Variants in CRX observed in about 807,000 individuals in gnomAD.
The protein encoded by CRX is cone-rod homeobox.
Under a neutral mutation model 13.1 loss-of-function variants are expected in CRX, and 5 were observed. The observed-to-expected ratio is 0.38, with a 90% CI of 0.20 to 0.80. The LOEUF (loss-of-function observed/expected upper bound fraction) is 0.80. Ranked by LOEUF, CRX falls within the 30% of genes least tolerant of loss-of-function variation. The pLI is 0.43. For synonymous variants in CRX, 179 were observed against 171.1 expected, an observed-to-expected ratio of 1.05 and a Z score of -0.36; for missense variants, 351 against 391.8, an observed-to-expected ratio of 0.90 and a Z score of 0.88.
rs555613161 is a variant in CRX, at chr19:47,843,149, G to A, written c.*3182G>A. ...CAGCTGTGCACAGGGGATTTCAAAC[G>A]TTCTACGTCCTAAAGCCAGGAAGAG... On this transcript the variant is annotated 3_prime_UTR_variant, in exon 4 of 4. Coordinates refer to ENST00000221996, the MANE Select transcript of CRX (RefSeq NM_000554.6). 1.3e-5 allele frequency: 2 copies of A among 152,190 alleles called. No homozygotes were observed. Among genetic ancestry groups the A allele is most frequent in the African/African-American group, 2.4e-5 (1 of 41,400 alleles). The allele number at this position is 152,190 out of a possible 1,614,324, so 9.4% of individuals were successfully genotyped here. A position where few individuals can be genotyped will look rare whatever the true frequency, so the allele number is the denominator to read the frequency against.
chr19:47,835,228 T>C (rs921949692), intron 2 of CRX, among the ~76,000 whole-genome samples: 7 of 49,130 alleles, frequency 1.4e-4, no homozygotes, highest in South Asian at 6.5e-4. Context: ...ATTATTATTA[T>C]TTTTTTTTTT....
In CRX at chr19:47,836,245, G is replaced by A. The variant is rs778203784; in HGVS notation, c.103G>A (p.Ala35Thr). Residue 35 changes from alanine to threonine, a missense_variant and splice_region_variant, in exon 3 of 4, where the codon GCC becomes ACC. Physicochemically the swap from Ala to Thr is moderately conservative, Grantham distance 58. Transcript: ENST00000221996. ...LMHQAVPYPS[A>T]PRKQRRERTT... ...TCCTGTTTCCCATCCCACCCCAGGC[G>A]CCCCCAGGAAGCAGCGGCGGGAGCG... 10 of 1,614,098 alleles carry A rather than the reference G, an allele frequency of 6.2e-6. No homozygotes were observed. The highest frequency in any genetic ancestry group is 8.5e-6 in the Non-Finnish European group (10 of 1,180,014).
At position 47,840,408 on chromosome 19, in the gene CRX, G is replaced by A. The variant is rs555268202; in HGVS notation, c.*441G>A. The A allele has an allele frequency of 1.2e-4, 26 of 215,002 alleles. No individual in the cohort carries two copies. Among genetic ancestry groups the A allele is most frequent in the Non-Finnish European group, 2.1e-4 (22 of 105,954 alleles). The allele number at this position is 215,002 out of a possible 1,614,324, so 13.3% of individuals were successfully genotyped here. ...TGGACAGAATTTTTTTTTTTGTTTT[G>A]TTTTTGTTTTGCAGACACAGTCTAG... On this transcript the variant is annotated 3_prime_UTR_variant, in exon 4 of 4. Transcript: ENST00000221996.
chr19:47,821,983 G>C lies in CRX; in HGVS notation c.-63G>C, dbSNP rs766275619. The C allele has an allele frequency of 6.5e-6, 1 of 152,730 alleles. No homozygotes were observed. The highest frequency in any genetic ancestry group is 2.4e-5 in the African/African-American group (1 of 41,470). The allele number at this position is 152,730 out of a possible 1,614,324, so 9.5% of individuals were successfully genotyped here. A position where few individuals can be genotyped will look rare whatever the true frequency, so the allele number is the denominator to read the frequency against. ...CCGCTCTGTCTAGGTCCTGGGCCAC[G>C]GGAGAGCCCCGTCCCTCCTTTCTGA... On this transcript the variant is annotated 5_prime_UTR_variant, in exon 1 of 4. Transcript: ENST00000221996.
intron 1 of CRX, among the ~76,000 whole-genome samples, chr19:47,824,769 T>C: frequency 6.6e-6 from 1 of 152,020 alleles, no homozygotes; most frequent in East Asian, 1.9e-4. Context: ...ACCCCACAGC[T>C]CTGAGAATCA....
rs1416987829 is a variant in CRX at position 47,841,584 on chromosome 19, T to G, written c.*1617T>G. 1 of 150,346 alleles carries G rather than the reference T, an allele frequency of 6.7e-6. No individual in the cohort carries two copies. The highest frequency in any genetic ancestry group is 2.4e-5 in the African/African-American group (1 of 41,184). 9.3% of individuals were successfully genotyped at this position (150,346 alleles called of 1,614,324 possible). A position where few individuals can be genotyped will look rare whatever the true frequency, so the allele number is the denominator to read the frequency against. ...TCCCTTTTTTAGATTTTTTTTTTTT[T>G]TTTTTTGGTTTTCAGTTTTGATGGT... On this transcript the variant is annotated 3_prime_UTR_variant, in exon 4 of 4. Coordinates refer to ENST00000221996, the MANE Select transcript of CRX (RefSeq NM_000554.6).
chr19:47,839,773 C>T lies in CRX; in HGVS notation c.706C>T (p.Pro236Ser). 1 of 1,614,142 alleles carries T rather than the reference C, an allele frequency of 6.2e-7. No homozygotes were observed. The highest frequency in any genetic ancestry group is 8.5e-7 in the Non-Finnish European group (1 of 1,180,000). ...CCAGCTAGGGGGCCCGGCTCTTAGC[C>T]CCCTCTCTGGCCCCTCCGTGGGACC... is the stretch of plus-strand genomic sequence containing the variant. ...VPQLGGPALS[P>S]LSGPSVGPSL... The change falls in exon 4 of 4, where the codon CCC becomes TCC. Residue 236 changes from proline (P) to serine (S), a missense_variant. Around this residue, in one of 3 missense-constraint regions of CRX, gnomAD observed 253 missense variants for 268.3 expected, o/e 0.94. Transcript: ENST00000221996. The surrounding 1 kb of genome is among the most constrained non-coding windows in gnomAD (Gnocchi z 4.6).
chr19:47,835,329 A>G (rs1968103527), intron 2 of CRX, among the ~76,000 whole-genome samples: 1 of 151,604 alleles, frequency 6.6e-6, no homozygotes, highest in Non-Finnish European at 1.5e-5. Flanking sequence ...AAGTGCTGGG[A>G]TTACAGGCAT....
intron 1 of CRX, among the ~76,000 whole-genome samples, chr19:47,831,626 G>A (rs1968047343): frequency 6.6e-6 from 1 of 152,182 alleles, no homozygotes; most frequent in South Asian, 2.1e-4. Context: ...GTTGAGGACT[G>A]CTGCCTTGGA....
At chr19:47,838,828 T>C (rs112686135) in intron 3 of CRX, among the ~76,000 whole-genome samples, 24,688 of 146,642 alleles carry the variant, frequency 0.17, 2,163 homozygotes, top group Non-Finnish European at 0.18. Flanking sequence ...TATAATTGTA[T>C]GTGTGCATGT....
At chr19:47,837,977 G>A (rs888722767) in intron 3 of CRX, among the ~76,000 whole-genome samples, 2 of 152,032 alleles carry the variant, frequency 1.3e-5, no homozygotes, top group African/African-American at 4.8e-5. Context: ...TATGCTGTAG[G>A]TATGATGTTA....
In CRX at chr19:47,834,481, T is replaced by C. The variant is rs756039866; in HGVS notation, c.38T>C (p.Val13Ala). The change falls in exon 2 of 4, where the codon GTC becomes GCC. Residue 13 changes from valine (V) to alanine (A), a missense_variant. By Grantham distance (64) the Val-to-Ala change is moderately conservative (BLOSUM62 0). Coordinates refer to ENST00000221996, the MANE Select transcript of CRX (RefSeq NM_000554.6). ...ATGAACCCGGGGCCCCACTATTCTG[T>C]CAACGCCTTGGCCCTAAGTGGCCCC... ...AYMNPGPHYSVNALALSGPSV... is the reference protein window; with the variant it reads ...AYMNPGPHYSANALALSGPSV... 1.9e-6 allele frequency: 3 copies of C among 1,614,010 alleles called. No individual in the cohort carries two copies. The African/African-American group carries it at 4.0e-5, about 22-fold the overall frequency.
intron 1 of CRX, among the ~76,000 whole-genome samples, chr19:47,825,339 C>T (rs954068351): frequency 7.2e-5 from 11 of 152,050 alleles, no homozygotes; most frequent in Admixed American, 3.3e-4. Context: ...TAGCTCACTG[C>T]AGCCTCCAAC....
chr19:47,841,465 A>G lies in CRX; in HGVS notation c.*1498A>G, dbSNP rs1968195838. 1 of 152,176 alleles carries G rather than the reference A, an allele frequency of 6.6e-6. No individual in the cohort carries two copies. Among genetic ancestry groups the G allele is most frequent in the Admixed American group, 6.6e-5 (1 of 15,256 alleles). 9.4% of individuals were successfully genotyped at this position (152,176 alleles called of 1,614,324 possible). A position where few individuals can be genotyped will look rare whatever the true frequency, so the allele number is the denominator to read the frequency against. ...AGTTGTGGCTATTTCACAGAGAAGC[A>G]GCAGCTAGACAGACTCCCATCTGTA... On this transcript the variant is annotated 3_prime_UTR_variant, in exon 4 of 4. Transcript: ENST00000221996.
chr19:47,831,306 C>CAAAAAAAAA (rs5828320), intron 1 of CRX, among the ~76,000 whole-genome samples: 1 of 78,576 alleles, frequency 1.3e-5, no homozygotes, highest in Non-Finnish European at 2.4e-5. Context: ...GACTCTGTCT[C>CAAAAAAAAA]AAAAAAAAAA....
At chr19:47,827,679 A>G in intron 1 of CRX, among the ~76,000 whole-genome samples, 1 of 146,966 alleles carries the variant, frequency 6.8e-6, no homozygotes, top group South Asian at 2.2e-4. Flanking sequence ...ACCCATCATC[A>G]TGTCTGGCTA....
intron 3 of CRX, among the ~76,000 whole-genome samples, chr19:47,838,029 A>G (rs747755474): frequency 7.3e-4 from 111 of 152,090 alleles, no homozygotes; most frequent in Non-Finnish European, 1.4e-3. Flanking sequence ...GGAAGGATAA[A>G]TGAAATATGT....
At chr19:47,832,123 T>TTTTTTTTTTTTA (rs1968056947) in intron 1 of CRX, among the ~76,000 whole-genome samples, 1 of 137,704 alleles carries the variant, frequency 7.3e-6, no homozygotes, top group Admixed American at 7.2e-5. Flanking sequence ...TTTTTTTTTT[T>TTTTTTTTTTTTA]GAGACGGAGT....
intron 1 of CRX, among the ~76,000 whole-genome samples, chr19:47,824,344 G>T (rs961777653): frequency 2.0e-5 from 3 of 152,152 alleles, no homozygotes; most frequent in East Asian, 1.9e-4. Context: ...CCATATCGCC[G>T]GGTGATCAGG....
Sources: allele counts gnomAD v4.1 joint callset (sites outside exome capture counted in the v4.1 genomes callset), GRCh38; gene constraint gnomAD v4.1.1; regional missense constraint gnomAD v4.1.1; non-coding constraint Gnocchi (gnomAD v3.1); transcripts MANE v1.5; gene names NCBI Gene and HGNC (gene_info 2026-07-23, HGNC 2026-07-21).